Variants in CPVL observed in about 807,000 individuals in gnomAD.
CPVL encodes carboxypeptidase vitellogenic like.
In CPVL, 51 loss-of-function variants were observed where a neutral mutation model predicts 63.7. That is an observed-to-expected ratio of 0.80 (90% CI 0.64 to 1.01). The LOEUF is 1.01. CPVL is among the 50% of genes least tolerant of loss of function. CPVL has a pLI of 0.00. For synonymous variants in CPVL, 195 were observed against 206.0 expected (o/e 0.95, Z 0.46); for missense variants, 530 against 573.1 (o/e 0.92, Z 0.77).
At chr7:29,004,520 G>C (rs547851390) in intron 12 of CPVL, among the ~76,000 whole-genome samples, 2 of 152,196 alleles carry the variant, frequency 1.3e-5, no homozygotes, top group African/African-American at 2.4e-5. Flanking sequence ...CTTTCCTTGG[G>C]CAGTATAGTT....
intron 12 of CPVL, among the ~76,000 whole-genome samples, chr7:28,997,262 G>A (rs537603391): frequency 6.6e-6 from 1 of 152,246 alleles, no homozygotes; most frequent in African/African-American, 2.4e-5. Flanking sequence ...GTGAATAAAC[G>A]TATGCAAAAA....
intron 4 of CPVL, among the ~76,000 whole-genome samples, chr7:29,183,869 GA>G (rs1388730322): frequency 6.6e-6 from 1 of 151,738 alleles, no homozygotes; most frequent in Non-Finnish European, 1.5e-5. Context: ...AAAAATGTTA[GA>G]AAAAACAATA....
chr7:29,106,328 G>A (rs944345783), intron 3 of CPVL, among the ~76,000 whole-genome samples: 1 of 152,124 alleles, frequency 6.6e-6, no homozygotes, highest in Non-Finnish European at 1.5e-5. Context: ...GCAAGGCCTA[G>A]GGTATATTGT....
intron 12 of CPVL, among the ~76,000 whole-genome samples, chr7:29,018,768 A>G (rs113336190): frequency 1.4e-3 from 218 of 152,296 alleles, no homozygotes; most frequent in African/African-American, 4.5e-3. Flanking sequence ...TGCAGTGACA[A>G]TATCAACTCA....
At chr7:29,068,692 TTC>T (rs1783387850) in intron 9 of CPVL, among the ~76,000 whole-genome samples, 7 of 151,062 alleles carry the variant, frequency 4.6e-5, no homozygotes, top group Admixed American at 4.6e-4. Context: ...CTTTTTTTTT[TTC>T]TTTGTTTTTT....
chr7:29,041,792 G>T (rs1216788081), intron 11 of CPVL, among the ~76,000 whole-genome samples: 1 of 151,938 alleles, frequency 6.6e-6, no homozygotes, highest in Non-Finnish European at 1.5e-5. Flanking sequence ...GATACACACA[G>T]GATTCTGAAG....
intron 11 of CPVL, among the ~76,000 whole-genome samples, chr7:29,060,305 G>C (rs977654154): frequency 6.6e-6 from 1 of 152,140 alleles, no homozygotes; most frequent in Non-Finnish European, 1.5e-5. Flanking sequence ...AAGCCAAAGC[G>C]CAGAGAGTTT....
In CPVL at chr7:29,044,712, C is replaced by T. The variant is rs752864922; in HGVS notation, c.1138-13953G>A. ...TATCCAGAAAAGAATACTCTCTCCA[C>T]CCTTTCTCGATTTGTCTTTTCAAAG... On this transcript the variant is annotated intron_variant, in intron 11 of 12. Coordinates refer to ENST00000265394, the MANE Select transcript of CPVL (RefSeq NM_031311.5). Among the ~76,000 whole-genome samples the T allele has an allele frequency of 2.6e-5, 4 of 152,194 alleles. No individual in the cohort carries two copies. In the East Asian group the frequency reaches 5.8e-4, roughly 22 times the overall value.
chr7:29,178,054 C>T (rs1316322992), intron 5 of CPVL, among the ~76,000 whole-genome samples: 1 of 152,148 alleles, frequency 6.6e-6, no homozygotes, highest in Non-Finnish European at 1.5e-5. Context: ...TCTCATGCCT[C>T]ACATTCCATC....
chr7:29,123,364 A>T (rs1789567737), intron 1 of CPVL, among the ~76,000 whole-genome samples: 1 of 151,922 alleles, frequency 6.6e-6, no homozygotes, highest in Non-Finnish European at 1.5e-5. Flanking sequence ...AATAAGGCCA[A>T]CCAAATCCAG....
intron 5 of CPVL, among the ~76,000 whole-genome samples, chr7:29,153,312 A>T (rs1562796943): frequency 2.0e-5 from 3 of 152,100 alleles, no homozygotes; most frequent in Non-Finnish European, 4.4e-5. Flanking sequence ...ACTACAGTTG[A>T]CCCTTGAACG....
chr7:29,009,871 A>G (rs1453748357), intron 12 of CPVL: 1 of 152,192 alleles, frequency 6.6e-6, no homozygotes, highest in African/African-American at 2.4e-5. Context: ...TTTATCTTAG[A>G]CAGCATGGTA....
intron 5 of CPVL, among the ~76,000 whole-genome samples, chr7:29,154,864 C>G (rs942813745): frequency 6.6e-6 from 1 of 152,134 alleles, no homozygotes; most frequent in Non-Finnish European, 1.5e-5. Flanking sequence ...CTGATAAAGA[C>G]ATACTCGAGA....
intron 12 of CPVL, among the ~76,000 whole-genome samples, chr7:29,016,731 G>A (rs571228921): frequency 7.2e-4 from 109 of 152,266 alleles, no homozygotes; most frequent in African/African-American, 2.0e-3. Flanking sequence ...TTGAGGAAGT[G>A]CCAGGGACGC....
intron 5 of CPVL, among the ~76,000 whole-genome samples, chr7:29,170,711 A>C (rs1459514431): frequency 1.3e-5 from 2 of 152,194 alleles, no homozygotes; most frequent in Non-Finnish European, 2.9e-5. Flanking sequence ...ACTGCTGATA[A>C]AGACGTACTC....
upstream of CPVL, chr7:29,146,561 T>G (rs1792699044): frequency 3.9e-6 from 6 of 1,536,472 alleles, no homozygotes; most frequent in Non-Finnish European, 5.3e-6. Context: ...AACTCGAGCC[T>G]TTAAGCGCTC....
intron 11 of CPVL, among the ~76,000 whole-genome samples, chr7:29,058,966 T>C (rs563568580): frequency 8.5e-5 from 13 of 152,304 alleles, no homozygotes; most frequent in South Asian, 4.1e-4. Flanking sequence ...CTGGGAAAGT[T>C]TGCAATCATT....
At chr7:29,070,655 G>C (rs922006396) in intron 9 of CPVL, among the ~76,000 whole-genome samples, 1 of 152,204 alleles carries the variant, frequency 6.6e-6, no homozygotes, top group African/African-American at 2.4e-5. Flanking sequence ...CTGACACAGA[G>C]AAAGGAGAGC....
At chr7:29,174,433 C>T (rs1797004386) in intron 5 of CPVL, among the ~76,000 whole-genome samples, 1 of 152,254 alleles carries the variant, frequency 6.6e-6, no homozygotes, top group Admixed American at 6.5e-5. Context: ...CTGCTTCTCC[C>T]CCAAGAGGGA....
Sources: allele counts gnomAD v4.1 joint callset (sites outside exome capture counted in the v4.1 genomes callset), GRCh38; gene constraint gnomAD v4.1.1; transcripts MANE v1.5; gene names NCBI Gene and HGNC (gene_info 2026-07-23, HGNC 2026-07-21).